Variants in CDH13 observed in about 807,000 individuals in gnomAD.
CDH13 encodes the protein cadherin 13.
In CDH13, 24 loss-of-function variants were observed where a neutral mutation model predicts 63.8. That is an observed-to-expected ratio of 0.38 (90% CI 0.27 to 0.53). CDH13 has a LOEUF of 0.53. CDH13 is among the 20% of genes least tolerant of loss of function. CDH13 has a pLI of 0.85. For synonymous variants in CDH13, 503 were observed against 355.3 expected (o/e 1.42, Z -4.67); for missense variants, 1,049 against 903.1 (o/e 1.16, Z -2.07).
intron 7 of CDH13, among the ~76,000 whole-genome samples, chr16:83,569,694 C>A (rs921081304): frequency 6.6e-6 from 1 of 152,108 alleles, no homozygotes; most frequent in African/African-American, 2.4e-5. Flanking sequence ...GCATCTAACT[C>A]TCTGCCTGTC....
chr16:83,319,902 C>A (rs943334384), intron 5 of CDH13, among the ~76,000 whole-genome samples: 1 of 152,242 alleles, frequency 6.6e-6, no homozygotes, highest in Non-Finnish European at 1.5e-5. Flanking sequence ...AAAAGCCCAA[C>A]GTAAATGAAA....
At chr16:82,768,517 G>A (rs1239468148) in intron 1 of CDH13, among the ~76,000 whole-genome samples, 1 of 152,178 alleles carries the variant, frequency 6.6e-6, no homozygotes, top group African/African-American at 2.4e-5. Flanking sequence ...GTAGATTCCA[G>A]CTATTAATCC....
chr16:82,707,488 C>A (rs997452272), intron 1 of CDH13, among the ~76,000 whole-genome samples: 2 of 152,152 alleles, frequency 1.3e-5, no homozygotes, highest in African/African-American at 4.8e-5. Context: ...GGCCTTTGCA[C>A]TGGGCTTATT....
intron 5 of CDH13, among the ~76,000 whole-genome samples, chr16:83,315,505 G>C (rs1483940594): frequency 6.6e-6 from 1 of 152,042 alleles, no homozygotes; most frequent in Non-Finnish European, 1.5e-5. Flanking sequence ...TGACTAACTG[G>C]TGATGATATT....
At chr16:83,260,366 G>A (rs1192076180) in intron 5 of CDH13, among the ~76,000 whole-genome samples, 1 of 152,100 alleles carries the variant, frequency 6.6e-6, no homozygotes, top group African/African-American at 2.4e-5. Context: ...GAATGAGTGG[G>A]GCTAGGTGTC....
intron 4 of CDH13, among the ~76,000 whole-genome samples, chr16:83,216,415 T>C (rs1160665288): frequency 0.014 from 1,203 of 88,062 alleles, 113 homozygotes; most frequent in Non-Finnish European, 0.02. Context: ...TATATATATA[T>C]ATATATATAT....
chr16:82,824,308 A>AG (rs1442135471), intron 1 of CDH13: 1 of 132,760 alleles, frequency 7.5e-6, no homozygotes, highest in Non-Finnish European at 1.8e-5. Context: ...AGAAACGGAA[A>AG]GGAAAAAAAA....
chr16:82,915,806 C>T (rs1476033061), intron 2 of CDH13, among the ~76,000 whole-genome samples: 9 of 150,426 alleles, frequency 6.0e-5, no homozygotes, highest in African/African-American at 2.0e-4. Context: ...TACCCTCTGA[C>T]ATACACCCTC....
chr16:82,994,977 T>C (rs1912043790), intron 2 of CDH13, among the ~76,000 whole-genome samples: 1 of 152,236 alleles, frequency 6.6e-6, no homozygotes, highest in Non-Finnish European at 1.5e-5. Flanking sequence ...GGGGTAATTA[T>C]ACTATTGATC....
At chr16:83,096,801 T>C (rs1292225421) in intron 3 of CDH13, among the ~76,000 whole-genome samples, 1 of 152,220 alleles carries the variant, frequency 6.6e-6, no homozygotes, top group African/African-American at 2.4e-5. Context: ...TTGAATGCTA[T>C]TGTTCAGTTT....
At chr16:83,490,009 C>CCACACACACACACA (rs10666213) in intron 7 of CDH13, among the ~76,000 whole-genome samples, 9 of 137,382 alleles carry the variant, frequency 6.6e-5, no homozygotes, top group African/African-American at 2.2e-4. Context: ...GCTGCAGAAA[C>CCACACACACACACA]CACACACACA....
chr16:83,724,533 G>A (rs1318159847), intron 10 of CDH13, among the ~76,000 whole-genome samples: 3 of 152,136 alleles, frequency 2.0e-5, no homozygotes, highest in African/African-American at 7.2e-5. Context: ...TGAATGCATG[G>A]ATGAATGATG....
chr16:83,202,055 T>A (rs188593969), intron 4 of CDH13, among the ~76,000 whole-genome samples: 6 of 152,338 alleles, frequency 3.9e-5, no homozygotes, highest in Admixed American at 2.6e-4. Context: ...TAGGCTGTTT[T>A]CTTTGCCAAG....
intron 2 of CDH13, among the ~76,000 whole-genome samples, chr16:82,919,568 C>G (rs2042092613): frequency 6.6e-6 from 1 of 152,164 alleles, no homozygotes; most frequent in Non-Finnish European, 1.5e-5. Context: ...GCATAATACT[C>G]CACAGTGTAC....
At chr16:83,586,369 A>G (rs969850014) in intron 7 of CDH13, among the ~76,000 whole-genome samples, 2 of 152,182 alleles carry the variant, frequency 1.3e-5, no homozygotes, top group South Asian at 4.1e-4. Context: ...GGAGGGGCGG[A>G]GGAAAGGCAG....
At chr16:83,375,369 G>C (rs368935154) in intron 6 of CDH13, among the ~76,000 whole-genome samples, 2 of 152,164 alleles carry the variant, frequency 1.3e-5, no homozygotes, top group East Asian at 3.9e-4. Context: ...CTTTAAGGAG[G>C]GTCTGAAGTG....
At chr16:83,405,830 C>T (rs956907571) in intron 6 of CDH13, among the ~76,000 whole-genome samples, 1 of 152,174 alleles carries the variant, frequency 6.6e-6, no homozygotes, top group East Asian at 1.9e-4. Context: ...GTTGGTATCA[C>T]GTTGCATTCC....
chr16:83,430,091 G>C (rs12928956), intron 6 of CDH13, among the ~76,000 whole-genome samples: 23,866 of 152,112 alleles, frequency 0.16, 2,447 homozygotes, highest in Non-Finnish European at 0.23. Flanking sequence ...TAAAAATAGA[G>C]CTACCATGTG....
chr16:83,577,424 C>G (rs559929675), intron 7 of CDH13, among the ~76,000 whole-genome samples: 1 of 152,226 alleles, frequency 6.6e-6, no homozygotes, highest in African/African-American at 2.4e-5. Context: ...TTGGGTCCAG[C>G]TCTCTGGGGA....
Sources: gnomAD v4.1 joint callset for allele counts (sites outside exome capture counted in the v4.1 genomes callset) on GRCh38, gnomAD v4.1.1 for gene constraint, MANE v1.5 for transcripts, NCBI Gene and HGNC (gene_info 2026-07-23, HGNC 2026-07-21) for gene names.